Variants in MPIG6B observed in about 807,000 individuals in gnomAD.
MPIG6B encodes immunoglobulin receptor.
A neutral mutation model predicts 24.2 loss-of-function variants in MPIG6B; 22 were observed. That is an observed-to-expected ratio of 0.91 (90% CI 0.65 to 1.30). The LOEUF (loss-of-function observed/expected upper bound fraction) is 1.30, where lower values mean the gene tolerates loss of function less well. Among genes scored for constraint, MPIG6B ranks in the 50% most tolerant of loss-of-function variants. The probability of loss-of-function intolerance (pLI) is 0.00; values close to 1 mark genes in which losing one functional copy is unlikely to be tolerated. For synonymous variants in MPIG6B, 136 were observed against 142.0 expected, an observed-to-expected ratio of 0.96 and a Z score of 0.30; for missense variants, 301 against 318.5, an observed-to-expected ratio of 0.94 and a Z score of 0.42.
upstream of MPIG6B, chr6:31,720,320 G>C: frequency 1.5e-6 from 1 of 667,192 alleles, no homozygotes; most frequent in Non-Finnish European, 2.7e-6. The surrounding 1 kb of genome is among the most constrained non-coding windows in gnomAD (Gnocchi z 4.9). Context: ...GCTCCAACCT[G>C]TTTGGCTGTT....
chr6:31,721,552 G>C (rs1253735148), upstream of MPIG6B: 1 of 1,395,462 alleles, frequency 7.2e-7, no homozygotes, highest in Non-Finnish European at 1.0e-6. Context: ...TGGTGGGTAG[G>C]GCCGGGAAGT....
chr6:31,722,394 G>A (rs938780637), upstream of MPIG6B, among the ~76,000 whole-genome samples: 1 of 152,096 alleles, frequency 6.6e-6, no homozygotes, highest in African/African-American at 2.4e-5. Flanking sequence ...CTCCACTTGC[G>A]CTTGGTGTGG....
chr6:31,721,811 G>A (rs571284450), upstream of MPIG6B: 78 of 869,768 alleles, frequency 9.0e-5, no homozygotes, highest in East Asian at 2.0e-3. Context: ...GCCTCTGGTA[G>A]CCCCTCCCTT....
At chr6:31,724,445 G>A in intron 3 of MPIG6B, 142 bp from the exon 4 acceptor site, 1 of 827,044 alleles carries the variant, frequency 1.2e-6, no homozygotes, top group Non-Finnish European at 2.1e-6. Context: ...GTTAGAGCCT[G>A]GGCTGGACTG....
At chr6:31,724,545 G>C (rs752006798) in intron 3 of MPIG6B, 42 bp from the exon 4 acceptor site, 2 of 1,568,508 alleles carry the variant, frequency 1.3e-6, no homozygotes, top group Non-Finnish European at 1.8e-6. Context: ...GAACCAGTGA[G>C]ACAAGACTGG....
Position 31,723,387 on chromosome 6 carries a change from G to A in MPIG6B, c.4G>A (p.Ala2Thr). ...TTCTCCTCACCACATCCTAACCATG[G>A]CTGTGTTTCTGCAGCTGCTACCGCT... MAVFLQLLPLLL... is the reference protein window; with the variant it reads MTVFLQLLPLLL... The change falls in exon 1 of 6, where the codon GCT becomes ACT. Residue 2 changes from alanine (A) to threonine (T), a missense_variant. Transcript: ENST00000649779. This position sits in a 1 kb window ranked among gnomAD's most constrained non-coding sequence, Gnocchi z 4.3. 2 of 1,612,594 alleles carry A rather than the reference G, an allele frequency of 1.2e-6. No individual in the cohort carries two copies. Among genetic ancestry groups the A allele is most frequent in the Non-Finnish European group, 1.7e-6 (2 of 1,179,802 alleles).
rs978846149 is a variant in MPIG6B at position 31,723,591 on chromosome 6, G to T, written c.62-48G>T. The T allele has an allele frequency of 6.8e-7, 1 of 1,477,922 alleles. No homozygotes were observed. Among genetic ancestry groups the T allele is most frequent in the African/African-American group, 1.4e-5 (1 of 71,844 alleles). 91.6% of individuals were successfully genotyped at this position (1,477,922 alleles called of 1,614,324 possible). On this transcript the variant is annotated intron_variant, in intron 1 of 5. Transcript: ENST00000649779. This position sits in a 1 kb window ranked among gnomAD's most constrained non-coding sequence, Gnocchi z 4.3. Reference sequence around the variant, plus strand: ...GAAAGAGGAGACGGGATGGAGGGTCGTCTTGCCCTGTGGACGTGCCCTAAC... The same window carrying T: ...GAAAGAGGAGACGGGATGGAGGGTCTTCTTGCCCTGTGGACGTGCCCTAAC...
Position 31,723,789 on chromosome 6 carries a change from C to T in MPIG6B, c.212C>T (p.Thr71Ile), listed in dbSNP as rs376345317. 1.7e-5 allele frequency: 28 copies of T among 1,613,874 alleles called. No homozygotes were observed. The highest frequency in any genetic ancestry group is 2.4e-5 in the Non-Finnish European group (28 of 1,180,018). The change falls in exon 2 of 6, where the codon ACC becomes ATC. Residue 71 changes from threonine to isoleucine, a missense_variant. By Grantham distance (89) the Thr-to-Ile change is moderately conservative. Coordinates refer to ENST00000649779, the MANE Select transcript of MPIG6B (RefSeq NM_138272.3). The surrounding 1 kb of genome is among the most constrained non-coding windows in gnomAD (Gnocchi z 4.3). ...RPILWASSSG[T>I]PTVPPLQPFV... The stretch of plus-strand genomic sequence containing the variant: ...ATCCTGTGGGCCTCTTCGAGCGGGA[C>T]CCCCACCGTGCCTCCCCTCCAGCCT...
rs192428061 is a variant in MPIG6B at position 31,723,578 on chromosome 6, G to A, written c.62-61G>A. On this transcript the variant is annotated intron_variant, in intron 1 of 5. Coordinates refer to ENST00000649779, the MANE Select transcript of MPIG6B (RefSeq NM_138272.3). This position sits in a 1 kb window ranked among gnomAD's most constrained non-coding sequence, Gnocchi z 4.3. ...AGAACAGAGAAGAGAAAGAGGAGACGGGATGGAGGGTCGTCTTGCCCTGTG... is the reference window on the plus strand; with the variant it reads ...AGAACAGAGAAGAGAAAGAGGAGACAGGATGGAGGGTCGTCTTGCCCTGTG... 1,159 of 1,436,896 alleles carry A rather than the reference G, an allele frequency of 8.1e-4. 1 individual carries two copies. Among genetic ancestry groups the A allele is most frequent in the Non-Finnish European group, 1.1e-3 (1,112 of 1,052,874 alleles). The allele number at this position is 1,436,896 out of a possible 1,614,324, so 89.0% of individuals were successfully genotyped here.
upstream of MPIG6B, among the ~76,000 whole-genome samples, chr6:31,722,011 G>A (rs1359059718): frequency 6.6e-6 from 1 of 152,202 alleles, no homozygotes; most frequent in African/African-American, 2.4e-5. Flanking sequence ...CTGCTGCTCA[G>A]TCCTCTGAAT....
intron 3 of MPIG6B, 67 bp downstream of exon 3, chr6:31,724,299 C>T: frequency 7.6e-7 from 1 of 1,312,194 alleles, no homozygotes. Flanking sequence ...AGGACCAGAA[C>T]CTTCGCAAAA....
intron 2 of MPIG6B, 35 bp from the exon 3 acceptor site, chr6:31,724,107 C>G: frequency 6.3e-7 from 1 of 1,591,990 alleles, no homozygotes; most frequent in Non-Finnish European, 8.6e-7. Flanking sequence ...AAACCCCTGA[C>G]CTCAGCATCC....
In MPIG6B at chr6:31,725,016, G is replaced by C. The variant is rs754702403; in HGVS notation, c.668G>C (p.Arg223Pro). Reference sequence around the variant, plus strand: ...GACCATCTAGCCCTCAGCAGGCCCCGCCGGCTGTCCACAGCGGACCCTGCT... The same window carrying C: ...GACCATCTAGCCCTCAGCAGGCCCCCCCGGCTGTCCACAGCGGACCCTGCT... ...DLDHLALSRP[R>P]RLSTADPADA... is the part of the protein sequence containing the mutation. The change falls in exon 6 of 6, where the codon CGC becomes CCC. Residue 223 changes from arginine to proline, a missense_variant. Arg to Pro is a moderately radical substitution (Grantham distance 103, BLOSUM62 -2). Coordinates refer to ENST00000649779, the MANE Select transcript of MPIG6B (RefSeq NM_138272.3). The surrounding 1 kb of genome is among the most constrained non-coding windows in gnomAD (Gnocchi z 5.2). 1.9e-6 allele frequency: 3 copies of C among 1,613,758 alleles called. No individual in the cohort carries two copies. Among genetic ancestry groups the C allele is most frequent in the East Asian group, 2.2e-5 (1 of 44,880 alleles).
At chr6:31,721,542 TG>T, upstream of MPIG6B, 2 of 1,265,652 alleles carry the variant, frequency 1.6e-6, no homozygotes, top group Non-Finnish European at 2.3e-6. Context: ...GGATCCCGAG[TG>T]GTGGGTAGGG....
At chr6:31,724,690 G>A in intron 4 of MPIG6B, 63 bp downstream of exon 4, 1 of 1,606,808 alleles carries the variant, frequency 6.2e-7, no homozygotes, top group Non-Finnish European at 8.5e-7. Context: ...CTCAATTCCT[G>A]AGTCTGAGCC....
rs1423670970 is a variant in MPIG6B, at chr6:31,724,323, C to G, written c.500+91C>G. On this transcript the variant is annotated intron_variant, in intron 3 of 5. Transcript: ENST00000649779. ...ACCTTCGCAAAAGAAAGAGCTAGAC[C>G]TAGAGCTCTGGTCCTGGCTTGGCGA... 4.5e-6 allele frequency: 5 copies of G among 1,104,456 alleles called. No homozygotes were observed. The African/African-American group carries it at 6.2e-5, about 14-fold the overall frequency. 68.4% of individuals were successfully genotyped at this position (1,104,456 alleles called of 1,614,324 possible). A position where few individuals can be genotyped will look rare whatever the true frequency, so the allele number is the denominator to read the frequency against.
Position 31,724,593 on chromosome 6 carries a change from G to GC in MPIG6B, c.512dup (p.Gln172AlafsTer8). 2 of 1,613,744 alleles carry GC rather than the reference G, an allele frequency of 1.2e-6. No homozygotes were observed. The highest frequency in any genetic ancestry group is 1.6e-4 in the Middle Eastern group (1 of 6,062). On this transcript the variant is annotated frameshift_variant, in exon 4 of 6. Coordinates refer to ENST00000649779, the MANE Select transcript of MPIG6B (RefSeq NM_138272.3). LOFTEE classifies it high-confidence loss of function. ...ACTCATATGTCCCTTACAGGCGCCTGCCCCCGCAACCGATTCGACCACTCC... is the reference window on the plus strand; with the variant it reads ...ACTCATATGTCCCTTACAGGCGCCTGCCCCCCGCAACCGATTCGACCACTCC...
upstream of MPIG6B, among the ~76,000 whole-genome samples, chr6:31,722,043 T>G (rs1419228497): frequency 6.6e-6 from 1 of 152,172 alleles, no homozygotes; most frequent in Non-Finnish European, 1.5e-5. Context: ...AAGGCCTCTG[T>G]GATTTACAGT....
chr6:31,723,257 C>CCCCCCCCCCCCTTTTT, upstream of MPIG6B: 1 of 737,702 alleles, frequency 1.4e-6, no homozygotes, highest in Non-Finnish European at 2.4e-6. This position sits in a 1 kb window ranked among gnomAD's most constrained non-coding sequence, Gnocchi z 4.3. Context: ...GCTGGTGGCC[C>CCCCCCCCCCCCTTTTT]CGCCCCCTCT....
Sources: gnomAD v4.1 joint callset for allele counts (sites outside exome capture counted in the v4.1 genomes callset) on GRCh38, gnomAD v4.1.1 for gene constraint, Gnocchi (gnomAD v3.1) non-coding constraint, MANE v1.5 for transcripts, NCBI Gene and HGNC (gene_info 2026-07-23, HGNC 2026-07-21) for gene names.